The following ESPNL variants were observed in gnomAD, a reference collection of about 807,000 sequenced individuals.
ESPNL encodes the protein espin like.
ESPNL carries 49 observed loss-of-function variants against 46.8 expected under a neutral mutation model. The ratio of observed to expected loss-of-function variants is 1.05; its 90% CI spans 0.83 to 1.33. ESPNL has a LOEUF of 1.33. Ranked by LOEUF, ESPNL falls within the 40% of genes most tolerant of loss-of-function variation. ESPNL has a pLI of 0.00. For missense variants in ESPNL, 1,540 were observed against 1,436.6 expected (o/e 1.07, Z -1.16); for synonymous variants, 664 against 662.1 (o/e 1.00, Z -0.04).
At chr2:238,105,548 T>C (rs1453750819) in intron 3 of ESPNL, among the ~76,000 whole-genome samples, 3 of 142,480 alleles carry the variant, frequency 2.1e-5, no homozygotes, top group African/African-American at 7.8e-5. Context: ...GAGGAGGCCC[T>C]CTTTGAGGAG....
At chr2:238,108,354 C>A (rs1167826742) in intron 4 of ESPNL, among the ~76,000 whole-genome samples, 1 of 152,160 alleles carries the variant, frequency 6.6e-6, no homozygotes, top group Admixed American at 6.5e-5. Context: ...CCAGATAAAT[C>A]TTGGGGGCTC....
rs1574749382 is a variant in ESPNL, at chr2:238,131,172, G to A, written c.2458G>A (p.Ala820Thr). Reference protein sequence around the residue: ...NWKAIMAHVPARQLRRLSRQP... With the variant: ...NWKAIMAHVPTRQLRRLSRQP... Reference sequence around the variant, plus strand: ...GAAGGCCATCATGGCTCACGTGCCCGCCCGGCAGCTGCGGCGGCTGAGCCG... The same window carrying A: ...GAAGGCCATCATGGCTCACGTGCCCACCCGGCAGCTGCGGCGGCTGAGCCG... Residue 820 changes from alanine to threonine, a missense_variant, in exon 9 of 9, where the codon GCC becomes ACC. Ala to Thr is a moderately conservative substitution (Grantham distance 58). Transcript: ENST00000343063. 1.2e-5 allele frequency: 18 copies of A among 1,544,562 alleles called. No individual in the cohort carries two copies. The highest frequency in any genetic ancestry group is 4.1e-5 in the African/African-American group (3 of 72,998).
chr2:238,119,824 C>G (rs889628982), intron 5 of ESPNL, among the ~76,000 whole-genome samples: 1 of 152,070 alleles, frequency 6.6e-6, no homozygotes, highest in Non-Finnish European at 1.5e-5. Context: ...CTCCTCTTCT[C>G]TGATGTGTCC....
At chr2:238,127,417 C>CCG in intron 6 of ESPNL, 1 of 1,329,888 alleles carries the variant, frequency 7.5e-7, no homozygotes, top group Non-Finnish European at 9.6e-7. Context: ...CTCCCATCGA[C>CCG]CAGGCGGGGG....
chr2:238,128,880 C>A lies in ESPNL; in HGVS notation c.1389C>A (p.Gly463=), dbSNP rs1314871810. Residue 463 remains glycine, a synonymous_variant, in exon 8 of 9, where the codon GGC becomes GGA. Transcript: ENST00000343063. ...TGCGGAAGCTGCAGGCGCGCCTGGG[C>A]GCAGAGAGCTCCGCAGAGGCCCAGG... The part of the protein sequence containing the change: ...VMVRKLQARL[G]AESSAEAQDN... The A allele has an allele frequency of 3.2e-6, 5 of 1,544,016 alleles. No homozygotes were observed. Among genetic ancestry groups the A allele is most frequent in the Non-Finnish European group, 4.4e-6 (5 of 1,146,390 alleles).
At chr2:238,117,500 G>A (rs1419206875) in intron 5 of ESPNL, among the ~76,000 whole-genome samples, 3 of 151,930 alleles carry the variant, frequency 2.0e-5, no homozygotes, top group African/African-American at 7.3e-5. Flanking sequence ...GGTGATGTAT[G>A]TCAGACTGAG....
chr2:238,106,348 C>T (rs777998518), intron 3 of ESPNL, among the ~76,000 whole-genome samples: 19 of 152,168 alleles, frequency 1.2e-4, no homozygotes, highest in Admixed American at 4.6e-4. Context: ...TGTCCCCGGG[C>T]GCTCGGGATG....
chr2:238,101,555 G>A (rs1176640667), intron 1 of ESPNL, among the ~76,000 whole-genome samples: 2 of 152,200 alleles, frequency 1.3e-5, no homozygotes, highest in African/African-American at 2.4e-5. Flanking sequence ...TGTGGCCAGC[G>A]GGAGGGCACT....
chr2:238,118,370 G>T (rs1181628718), intron 5 of ESPNL, among the ~76,000 whole-genome samples: 3 of 127,104 alleles, frequency 2.4e-5, no homozygotes, highest in South Asian at 2.5e-4. Flanking sequence ...GGAATGGATG[G>T]AGGAGGTGGA....
Position 238,100,611 on chromosome 2 carries a change from C to T in ESPNL, c.192C>T (p.Asn64=). 6.7e-7 allele frequency: 1 copy of T among 1,503,744 alleles called. No individual in the cohort carries two copies. The highest frequency in any genetic ancestry group is 8.8e-7 in the Non-Finnish European group (1 of 1,130,266). 93.2% of individuals were successfully genotyped at this position (1,503,744 alleles called of 1,614,324 possible). The change falls in exon 1 of 9, where the codon AAC becomes AAT. Residue 64 remains asparagine, a synonymous_variant. Transcript: ENST00000343063. The part of the protein sequence containing the change: ...FLVQRAQLPG[N]QRAHNGATPA... Reference sequence around the variant, plus strand: ...TGCAGCGGGCCCAGCTGCCCGGCAACCAGCGGGCCCACAACGGGGCCACCC... The same window carrying T: ...TGCAGCGGGCCCAGCTGCCCGGCAATCAGCGGGCCCACAACGGGGCCACCC...
intron 5 of ESPNL, among the ~76,000 whole-genome samples, chr2:238,121,437 A>G (rs1227896552): frequency 1.3e-5 from 2 of 152,206 alleles, no homozygotes; most frequent in African/African-American, 4.8e-5. Context: ...GGTCTCTGTC[A>G]CCCAGGCTGG....
Position 238,130,060 on chromosome 2 carries a change from T to C in ESPNL, c.1414-68T>C, listed in dbSNP as rs904082231. 14 of 1,534,640 alleles carry C rather than the reference T, an allele frequency of 9.1e-6. No homozygotes were observed. The African/African-American group carries it at 1.8e-4, about 19-fold the overall frequency. ...CAGAGATACTGAGAACTCAGGGACT[T>C]GGAAGCTAGGTGGGCTGATGGTGGG... On this transcript the variant is annotated intron_variant, in intron 8 of 8. Transcript: ENST00000343063.
chr2:238,127,801 A>G, intron 7 of ESPNL, 67 bp downstream of exon 7: 1 of 1,260,918 alleles, frequency 7.9e-7, no homozygotes, highest in Non-Finnish European at 1.1e-6. Context: ...CCATCCTCTT[A>G]GGGGCCCAGA....
At chr2:238,111,010 A>G (rs1442352591) in intron 4 of ESPNL, among the ~76,000 whole-genome samples, 1 of 133,714 alleles carries the variant, frequency 7.5e-6, no homozygotes, top group African/African-American at 2.8e-5. Flanking sequence ...TGGAGTGCAG[A>G]GGCTCGATCT....
At chr2:238,124,496 C>A (rs901715292) in intron 5 of ESPNL, among the ~76,000 whole-genome samples, 2 of 152,146 alleles carry the variant, frequency 1.3e-5, no homozygotes, top group Admixed American at 1.3e-4. Flanking sequence ...AAGTTCCAGG[C>A]GGACCACAGC....
intron 5 of ESPNL, among the ~76,000 whole-genome samples, chr2:238,118,445 G>GA (rs1691876735): frequency 8.2e-6 from 1 of 122,498 alleles, no homozygotes; most frequent in South Asian, 2.8e-4. Flanking sequence ...GGATGGAAGA[G>GA]GTGGATGGAG....
intron 5 of ESPNL, among the ~76,000 whole-genome samples, chr2:238,119,164 A>AGATGGAGGAGGGTG (rs1691913668): frequency 2.3e-5 from 1 of 42,946 alleles, no homozygotes; most frequent in Non-Finnish European, 4.7e-5. Context: ...GGAGGAGGGG[A>AGATGGAGGAGGGTG]GATGGAGGAG....
chr2:238,105,977 G>A (rs573248078), intron 3 of ESPNL, among the ~76,000 whole-genome samples: 2 of 152,168 alleles, frequency 1.3e-5, no homozygotes, highest in South Asian at 4.1e-4. Flanking sequence ...CTGGCACACA[G>A]CTCCCCAGCT....
chr2:238,101,534 C>A (rs1691478989), intron 1 of ESPNL, among the ~76,000 whole-genome samples: 1 of 152,176 alleles, frequency 6.6e-6, no homozygotes, highest in Non-Finnish European at 1.5e-5. Context: ...CGCTCCCTGG[C>A]CCCGGGACCC....
Sources: allele counts gnomAD v4.1 joint callset (sites outside exome capture counted in the v4.1 genomes callset), GRCh38; gene constraint gnomAD v4.1.1; transcripts MANE v1.5; gene names NCBI Gene and HGNC (gene_info 2026-07-23, HGNC 2026-07-21).